GLIS1: variants seen among roughly 807,000 people sequenced by gnomAD.
The protein encoded by GLIS1 is zinc finger protein GLIS1.
A neutral mutation model predicts 63.8 loss-of-function variants in GLIS1; 24 were observed. That is an observed-to-expected ratio of 0.38 (90% CI 0.27 to 0.53). GLIS1 has a LOEUF of 0.53. GLIS1 is among the 20% of genes least tolerant of loss of function. GLIS1 has a pLI of 0.85. For synonymous variants in GLIS1, 450 were observed against 482.5 expected (o/e 0.93, Z 0.88); for missense variants, 1,036 against 1,074.1 (o/e 0.96, Z 0.50).
chr1:53,579,461 G>A (rs1014694442), intron 4 of GLIS1, among the ~76,000 whole-genome samples: 1 of 152,262 alleles, frequency 6.6e-6, no homozygotes, highest in African/African-American at 2.4e-5. Context: ...CAGGCTGTGG[G>A]AGGGGGATCC....
At chr1:53,649,258 T>C (rs1339768855) in intron 2 of GLIS1, among the ~76,000 whole-genome samples, 2 of 152,252 alleles carry the variant, frequency 1.3e-5, no homozygotes, top group Non-Finnish European at 2.9e-5. Context: ...AAACTGTACA[T>C]GGCACCATTT....
At chr1:53,696,471 C>T (rs954250825) in intron 2 of GLIS1, among the ~76,000 whole-genome samples, 1 of 152,230 alleles carries the variant, frequency 6.6e-6, no homozygotes, top group Non-Finnish European at 1.5e-5. Context: ...CCAGACCCAT[C>T]TGAAAGATCG....
At chr1:53,717,116 C>T (rs1646707766) in intron 2 of GLIS1, among the ~76,000 whole-genome samples, 1 of 152,196 alleles carries the variant, frequency 6.6e-6, no homozygotes, top group South Asian at 2.1e-4. Context: ...TTAACAGGAT[C>T]CGTCCTGATG....
intron 4 of GLIS1, among the ~76,000 whole-genome samples, chr1:53,544,170 G>A (rs1192353272): frequency 6.6e-6 from 1 of 152,232 alleles, no homozygotes; most frequent in African/African-American, 2.4e-5. Context: ...AGGACAAAAA[G>A]AAAAGGATGC....
intron 4 of GLIS1, among the ~76,000 whole-genome samples, chr1:53,550,666 A>G (rs1644749110): frequency 6.6e-6 from 1 of 152,110 alleles, no homozygotes; most frequent in South Asian, 2.1e-4. Flanking sequence ...AACCACAATT[A>G]TCAAGTACCA....
intron 7 of GLIS1, among the ~76,000 whole-genome samples, chr1:53,518,495 A>G (rs1644374795): frequency 3.3e-5 from 5 of 152,218 alleles, no homozygotes; most frequent in South Asian, 2.1e-4. Context: ...CTTGCTCACC[A>G]TAAACAATAA....
intron 4 of GLIS1, among the ~76,000 whole-genome samples, chr1:53,568,341 C>T (rs913265351): frequency 2.6e-5 from 4 of 152,188 alleles, no homozygotes; most frequent in Admixed American, 6.5e-5. Context: ...CCTGTAGCCC[C>T]TATTGTATAT....
chr1:53,725,813 C>A (rs1275531319), intron 2 of GLIS1, among the ~76,000 whole-genome samples: 1 of 152,180 alleles, frequency 6.6e-6, no homozygotes, highest in Non-Finnish European at 1.5e-5. Context: ...GGGGTCATTC[C>A]CCCATTTTAA....
chr1:53,701,450 C>A (rs2100493754), intron 2 of GLIS1, among the ~76,000 whole-genome samples: 1 of 152,346 alleles, frequency 6.6e-6, no homozygotes, highest in East Asian at 1.9e-4. Context: ...CAACGCCCTC[C>A]TCCGCTGTCA....
At chr1:53,677,523 A>T (rs943217307) in intron 2 of GLIS1, among the ~76,000 whole-genome samples, 1 of 152,262 alleles carries the variant, frequency 6.6e-6, no homozygotes, top group South Asian at 2.1e-4. Context: ...CCAGACAGAC[A>T]GCCAGAGGAA....
intron 2 of GLIS1, among the ~76,000 whole-genome samples, chr1:53,698,344 C>T (rs1646488293): frequency 6.6e-6 from 1 of 152,202 alleles, no homozygotes; most frequent in African/African-American, 2.4e-5. Flanking sequence ...TGTCAAGGAA[C>T]AGGAACAGGA....
intron 2 of GLIS1, among the ~76,000 whole-genome samples, chr1:53,673,886 C>G (rs1189099628): frequency 6.6e-6 from 1 of 152,168 alleles, no homozygotes; most frequent in African/African-American, 2.4e-5. Context: ...TAAGAATCCA[C>G]TGAGGCCGGG....
chr1:53,516,738 G>A (rs866496507), intron 7 of GLIS1, among the ~76,000 whole-genome samples: 2 of 151,484 alleles, frequency 1.3e-5, no homozygotes, highest in East Asian at 1.9e-4. Context: ...GCTTCAACCC[G>A]AAACGCGGAG....
At chr1:53,640,444 T>A (rs1272885755) in intron 2 of GLIS1, among the ~76,000 whole-genome samples, 1 of 152,168 alleles carries the variant, frequency 6.6e-6, no homozygotes, top group African/African-American at 2.4e-5. Flanking sequence ...GGCCTGTCCC[T>A]CCCTGGGTCT....
chr1:53,690,312 T>C (rs1341074063), intron 2 of GLIS1, among the ~76,000 whole-genome samples: 2 of 152,186 alleles, frequency 1.3e-5, no homozygotes, highest in African/African-American at 4.8e-5. Flanking sequence ...CATCAGCGCA[T>C]GATGGGGAAG....
chr1:53,724,480 A>G (rs1389702530), intron 2 of GLIS1, among the ~76,000 whole-genome samples: 1 of 152,168 alleles, frequency 6.6e-6, no homozygotes, highest in Admixed American at 6.5e-5. Context: ...TTTGTGGAGA[A>G]GCAAACATCA....
intron 2 of GLIS1, among the ~76,000 whole-genome samples, chr1:53,620,788 G>A (rs1176244065): frequency 6.6e-6 from 1 of 152,320 alleles, no homozygotes; most frequent in African/African-American, 2.4e-5. Context: ...GATGGAGGAC[G>A]AACAGGACCC....
At chr1:53,509,470 C>A (rs984555672) in intron 9 of GLIS1, among the ~76,000 whole-genome samples, 183 bp from the exon 10 acceptor site, 8 of 152,076 alleles carry the variant, frequency 5.3e-5, no homozygotes, top group African/African-American at 1.9e-4. Flanking sequence ...CTCAGCTCCG[C>A]CCTGCAGGGA....
chr1:53,599,307 C>T (rs1023886238), intron 3 of GLIS1, among the ~76,000 whole-genome samples: 3 of 152,122 alleles, frequency 2.0e-5, no homozygotes, highest in African/African-American at 7.2e-5. Context: ...TGGATGAATC[C>T]GTTCACGGGT....
Sources: allele counts gnomAD v4.1 joint callset (sites outside exome capture counted in the v4.1 genomes callset), GRCh38; gene constraint gnomAD v4.1.1; transcripts MANE v1.5; gene names NCBI Gene and HGNC (gene_info 2026-07-23, HGNC 2026-07-21).